CLASP2: variants seen among roughly 807,000 people sequenced by gnomAD.
The protein encoded by CLASP2 is CLIP-associating protein 2.
A neutral mutation model predicts 194.4 loss-of-function variants in CLASP2; 47 were observed. That is an observed-to-expected ratio of 0.24 (90% CI 0.19 to 0.31). The LOEUF is 0.31. CLASP2 is among the 10% of genes least tolerant of loss of function. The probability of loss-of-function intolerance (pLI) is 1.00; values close to 1 mark genes in which losing one functional copy is unlikely to be tolerated. For missense variants in CLASP2, 1,445 were observed against 1,823.6 expected, an observed-to-expected ratio of 0.79 and a Z score of 3.78; for synonymous variants, 619 against 633.5, an observed-to-expected ratio of 0.98 and a Z score of 0.34.
intron 7 of CLASP2, among the ~76,000 whole-genome samples, chr3:33,649,351 A>C (rs2082798886): frequency 6.6e-6 from 1 of 152,156 alleles, no homozygotes; most frequent in Admixed American, 6.6e-5. Flanking sequence ...CTGCTACTGA[A>C]ATATATGAGC....
intron 10 of CLASP2, among the ~76,000 whole-genome samples, chr3:33,625,091 AGTGT>A (rs1406549309): frequency 1.3e-5 from 2 of 151,746 alleles, no homozygotes; most frequent in Non-Finnish European, 2.9e-5. Flanking sequence ...TTGTTACAAA[AGTGT>A]GTAAGGATGT....
rs922154534 is a variant in CLASP2 at position 33,671,892 on chromosome 3, G to A, written c.645-8377C>T. ...CAAGGCGGCAGCGAGGCTGGGAGAG[G>A]GGTGCCCGCCATTGCCCAGGCTTGC... On this transcript the variant is annotated intron_variant, in intron 6 of 38. Coordinates refer to ENST00000682230, the MANE Select transcript of CLASP2 (RefSeq NM_001365631.1). 2.6e-5 allele frequency among the ~76,000 whole-genome samples: 4 copies of A among 152,270 alleles called. No homozygotes were observed. In the East Asian group the frequency reaches 7.7e-4, roughly 29 times the overall value.
intron 38 of CLASP2, among the ~76,000 whole-genome samples, chr3:33,501,239 AT>A (rs1449549138): frequency 6.6e-6 from 1 of 152,200 alleles, no homozygotes; most frequent in Non-Finnish European, 1.5e-5. Flanking sequence ...AAGGGGAAAA[AT>A]TTTTAAATGT....
chr3:33,656,811 G>A (rs1235130438), intron 7 of CLASP2, among the ~76,000 whole-genome samples: 2 of 48,602 alleles, frequency 4.1e-5, no homozygotes, highest in Non-Finnish European at 9.0e-5. Flanking sequence ...GAAATAACAC[G>A]ATAGTATTTT....
intron 4 of CLASP2, 140 bp downstream of exon 4, chr3:33,688,137 A>G: frequency 1.8e-6 from 1 of 568,542 alleles, no homozygotes; most frequent in Non-Finnish European, 3.0e-6. Context: ...AAAAATGAAC[A>G]GTAAAGGTAT....
intron 29 of CLASP2, among the ~76,000 whole-genome samples, chr3:33,552,925 G>T (rs2060276019): frequency 6.6e-6 from 1 of 152,092 alleles, no homozygotes; most frequent in African/African-American, 2.4e-5. Context: ...TCACCATGTT[G>T]TACCTGTGCA....
intron 1 of CLASP2, among the ~76,000 whole-genome samples, chr3:33,712,919 T>C (rs7621058): frequency 0.038 from 5,596 of 149,150 alleles, 125 homozygotes; most frequent in Admixed American, 0.07. Flanking sequence ...CTGAGATCCA[T>C]TGCACTCCAG....
At chr3:33,638,769 A>G (rs2080715430) in intron 8 of CLASP2, among the ~76,000 whole-genome samples, 1 of 152,260 alleles carries the variant, frequency 6.6e-6, no homozygotes, top group African/African-American at 2.4e-5. Flanking sequence ...CCAAGCATGC[A>G]GTTATTGTAA....
intron 6 of CLASP2, among the ~76,000 whole-genome samples, chr3:33,680,567 G>A (rs1432028219): frequency 3.3e-5 from 5 of 152,168 alleles, no homozygotes. Flanking sequence ...CCAGAACTTT[G>A]GGAGGCTGAG....
chr3:33,508,949 C>T (rs2049030737), intron 37 of CLASP2, among the ~76,000 whole-genome samples: 1 of 152,150 alleles, frequency 6.6e-6, no homozygotes, highest in Admixed American at 6.6e-5. Context: ...TCATTTTATA[C>T]ATTACCTGCT....
intron 30 of CLASP2, among the ~76,000 whole-genome samples, chr3:33,547,705 G>T (rs550913235): frequency 6.6e-6 from 1 of 152,042 alleles, no homozygotes; most frequent in Non-Finnish European, 1.5e-5. Flanking sequence ...AATGTGTGAA[G>T]AATTGATATT....
chr3:33,626,068 A>T (rs1436804886), intron 10 of CLASP2, among the ~76,000 whole-genome samples: 1 of 152,140 alleles, frequency 6.6e-6, no homozygotes, highest in African/African-American at 2.4e-5. Flanking sequence ...CTCATCTCAG[A>T]ATTGAAGAAT....
At chr3:33,517,717 A>G (rs1243372499) in intron 34 of CLASP2, among the ~76,000 whole-genome samples, 1 of 152,014 alleles carries the variant, frequency 6.6e-6, no homozygotes, top group Admixed American at 6.6e-5. Flanking sequence ...GCTGGAGTGT[A>G]GTGGTGTGAT....
chr3:33,518,284 T>A (rs373005424), intron 34 of CLASP2, among the ~76,000 whole-genome samples: 7 of 152,362 alleles, frequency 4.6e-5, no homozygotes, highest in African/African-American at 1.7e-4. Context: ...ACTCACTGCT[T>A]ATTTTTAAAC....
chr3:33,685,475 T>C (rs1357477357), intron 5 of CLASP2, among the ~76,000 whole-genome samples: 1 of 151,908 alleles, frequency 6.6e-6, no homozygotes. Flanking sequence ...TTCAAGAATG[T>C]GGCCTGAACT....
Position 33,496,673 on chromosome 3 carries a change from T to C in CLASP2, c.*1958A>G, listed in dbSNP as rs1575519205. 5 of 152,292 alleles carry C rather than the reference T, an allele frequency of 3.3e-5. No individual in the cohort carries two copies. Among genetic ancestry groups the C allele is most frequent in the Admixed American group, 2.0e-4 (3 of 15,298 alleles). The allele number at this position is 152,292 out of a possible 1,614,324, so 9.4% of individuals were successfully genotyped here. Reference sequence around the variant, plus strand: ...CACTCTACTTGGTTGTCAACAGTAGTTAAAGCAGTATCTTAAACCAGAGGT... The same window carrying C: ...CACTCTACTTGGTTGTCAACAGTAGCTAAAGCAGTATCTTAAACCAGAGGT... On this transcript the variant is annotated 3_prime_UTR_variant, in exon 39 of 39. Transcript: ENST00000682230.
chr3:33,689,148 A>C (rs2091053141), intron 3 of CLASP2, among the ~76,000 whole-genome samples: 1 of 151,314 alleles, frequency 6.6e-6, no homozygotes. Context: ...TCCCTACCAA[A>C]CTTTCAAGAA....
chr3:33,559,271 T>A, intron 29 of CLASP2, 36 bp downstream of exon 29: 1 of 1,215,302 alleles, frequency 8.2e-7, no homozygotes, highest in Admixed American at 2.0e-5. Context: ...ATACTTCAAT[T>A]CTTTATAATG....
chr3:33,513,582 A>G (rs559485877), intron 36 of CLASP2, among the ~76,000 whole-genome samples: 1 of 152,330 alleles, frequency 6.6e-6, no homozygotes, highest in Admixed American at 6.5e-5. Flanking sequence ...TTTAAAAGTT[A>G]TGATTCACTC....
Sources: gnomAD v4.1 joint callset for allele counts (sites outside exome capture counted in the v4.1 genomes callset) on GRCh38, gnomAD v4.1.1 for gene constraint, MANE v1.5 for transcripts, NCBI Gene and HGNC (gene_info 2026-07-23, HGNC 2026-07-21) for gene names.